C4orf51: variants seen among roughly 807,000 people sequenced by gnomAD.
C4orf51 encodes the protein uncharacterized protein C4orf51.
In C4orf51, 25 loss-of-function variants were observed where a neutral mutation model predicts 25.2. The observed-to-expected ratio is 0.99, with a 90% CI of 0.72 to 1.39. C4orf51 has a LOEUF of 1.39. C4orf51 is among the 40% of genes most tolerant of loss of function. The probability of loss-of-function intolerance (pLI) is 0.00; values close to 1 mark genes in which losing one functional copy is unlikely to be tolerated. For synonymous variants in C4orf51, 100 were observed against 84.5 expected, an observed-to-expected ratio of 1.18 and a Z score of -1.01; for missense variants, 252 against 239.6, an observed-to-expected ratio of 1.05 and a Z score of -0.34.
At chr4:145,787,696 TTTA>T in the C4orf51 span, among the ~76,000 whole-genome samples, 3 of 152,058 alleles carry the variant, frequency 2.0e-5, no homozygotes, top group Non-Finnish European at 4.4e-5. Flanking sequence ...TCCAAAAATT[TTTA>T]TTAATTAAAC....
At position 145,732,467 on chromosome 4, in the gene C4orf51, C is replaced by T. The variant is rs768329519; in HGVS notation, c.516C>T (p.Cys172=). The T allele has an allele frequency of 1.5e-5, 24 of 1,608,884 alleles. No homozygotes were observed. Among genetic ancestry groups the T allele is most frequent in the African/African-American group, 2.7e-5 (2 of 74,818 alleles). Reference sequence around the variant, plus strand: ...TTTTTCTCCAGCTTCATGGACGGTGCGATTCTGAAAGCAAGGTTTGCTCAT... The same window carrying T: ...TTTTTCTCCAGCTTCATGGACGGTGTGATTCTGAAAGCAAGGTTTGCTCAT... ...KGVLKHLHGR[C]DSESKVCSSE... Residue 172 remains cysteine, a synonymous_variant, in exon 6 of 6, where the codon TGC becomes TGT. Coordinates refer to ENST00000438731, the MANE Select transcript of C4orf51 (RefSeq NM_001080531.3).
Position 145,765,450 on chromosome 4 carries a change from T to G in C4orf51, n.167-5538T>G, listed in dbSNP as rs949322676. The G allele has an allele frequency of 1.1e-5, 15 of 1,403,768 alleles. No individual in the cohort carries two copies. The African/African-American group carries it at 1.7e-4, about 16-fold the overall frequency. The allele number at this position is 1,403,768 out of a possible 1,614,324, so 87.0% of individuals were successfully genotyped here. A position where few individuals can be genotyped will look rare whatever the true frequency, so the allele number is the denominator to read the frequency against. ...AGCATACTGCATCCTGGGCCTATTATCAGTTTTTGACATCGCTCCTGTGCA... is the reference window on the plus strand; with the variant it reads ...AGCATACTGCATCCTGGGCCTATTAGCAGTTTTTGACATCGCTCCTGTGCA... On this transcript the variant is annotated intron_variant and non_coding_transcript_variant, in intron 1 of 1. Coordinates refer to the C4orf51 transcript ENST00000510096. The surrounding 1 kb of genome is among the most constrained non-coding windows in gnomAD (Gnocchi z 4.7).
chr4:145,759,274 GA>G (rs1377599627), downstream of C4orf51: 1 of 152,132 alleles, frequency 6.6e-6, no homozygotes. Flanking sequence ...TTCAGCCAAA[GA>G]TTTTTTTCCT....
At chr4:145,693,368 G>A (rs967366933) in intron 1 of C4orf51, among the ~76,000 whole-genome samples, 7 of 151,116 alleles carry the variant, frequency 4.6e-5, no homozygotes, top group African/African-American at 1.7e-4. Flanking sequence ...CAGATCAACA[G>A]GATCCCAAGG....
At chr4:145,694,123 C>A (rs1442853182) in intron 1 of C4orf51, among the ~76,000 whole-genome samples, 3 of 105,202 alleles carry the variant, frequency 2.9e-5, no homozygotes, top group Non-Finnish European at 5.5e-5. Context: ...GGGGCAGAGG[C>A]GCTCCCCACA....
At chr4:145,738,149 A>G (rs1732900866) in intron 1 of C4orf51, among the ~76,000 whole-genome samples, 1 of 152,190 alleles carries the variant, frequency 6.6e-6, no homozygotes, top group African/African-American at 2.4e-5. Flanking sequence ...CTTTGGATGC[A>G]TATTAAAAAT....
At chr4:145,728,068 ACG>A (rs1553966930) in intron 3 of C4orf51, among the ~76,000 whole-genome samples, 8 of 141,326 alleles carry the variant, frequency 5.7e-5, no homozygotes, top group African/African-American at 1.9e-4. Flanking sequence ...ACACACACAC[ACG>A]CCATATAAGG....
In C4orf51 at chr4:145,696,603, C is replaced by G; in HGVS notation, c.278C>G (p.Ala93Gly). 1 of 1,613,780 alleles carries G rather than the reference C, an allele frequency of 6.2e-7. No homozygotes were observed. The highest frequency in any genetic ancestry group is 8.5e-7 in the Non-Finnish European group (1 of 1,179,742). Residue 93 changes from alanine to glycine, a missense_variant, in exon 2 of 6, where the codon GCT (alanine) becomes GGT (glycine). Transcript: ENST00000438731. ...TCTGCCTGTCATCTTCTCTGCTGGG[C>G]TGGTACCCAAGAGACTACAGATATC... ...NSSACHLLCW[A>G]GTQETTDIKG...
downstream of C4orf51, among the ~76,000 whole-genome samples, chr4:145,755,612 G>A (rs1733891722): frequency 6.6e-6 from 1 of 150,924 alleles, no homozygotes. Context: ...AAGAAGAAGA[G>A]GCCTTGATTA....
intron 2 of C4orf51, among the ~76,000 whole-genome samples, chr4:145,713,058 T>TA (rs1731220400): frequency 6.6e-6 from 1 of 152,184 alleles, no homozygotes; most frequent in Admixed American, 6.5e-5. Context: ...TATTGAGACT[T>TA]ACCACTTGGA....
At chr4:145,707,174 C>T (rs969501596) in intron 2 of C4orf51, among the ~76,000 whole-genome samples, 2 of 151,966 alleles carry the variant, frequency 1.3e-5, no homozygotes, top group South Asian at 2.1e-4. Context: ...CCCCTGACCT[C>T]GTGATCCACC....
chr4:145,768,641 A>C (rs921260302), intron 1 of C4orf51, among the ~76,000 whole-genome samples: 3 of 151,284 alleles, frequency 2.0e-5, no homozygotes, highest in African/African-American at 4.9e-5. Flanking sequence ...ATTATCTTCA[A>C]ATCAGTTCAT....
intron 1 of C4orf51, among the ~76,000 whole-genome samples, chr4:145,742,739 A>G (rs889319382): frequency 6.6e-6 from 1 of 151,662 alleles, no homozygotes; most frequent in Non-Finnish European, 1.5e-5. Flanking sequence ...ACGGGGTTTC[A>G]CCATGTTGGT....
intron 1 of C4orf51, among the ~76,000 whole-genome samples, chr4:145,746,706 G>T (rs1305719290): frequency 6.6e-6 from 1 of 151,838 alleles, no homozygotes; most frequent in African/African-American, 2.4e-5. Context: ...GGTCTTTTGT[G>T]GTTCTATATA....
chr4:145,735,051 G>A (rs552650049), downstream of C4orf51, among the ~76,000 whole-genome samples: 56 of 152,322 alleles, frequency 3.7e-4, no homozygotes, highest in African/African-American at 1.3e-3. Context: ...CGAGGGCTTT[G>A]GTGCAGTGAG....
chr4:145,740,627 A>G (rs1250960562), intron 1 of C4orf51, among the ~76,000 whole-genome samples: 1 of 152,234 alleles, frequency 6.6e-6, no homozygotes, highest in East Asian at 1.9e-4. Flanking sequence ...AGAACATGTG[A>G]CAAGTATCTA....
chr4:145,784,774 T>C, the C4orf51 span, among the ~76,000 whole-genome samples: 1 of 152,210 alleles, frequency 6.6e-6, no homozygotes, highest in Non-Finnish European at 1.5e-5. Flanking sequence ...TTAGCATTTG[T>C]TTCATTATTT....
chr4:145,717,750 A>G (rs1211305368), intron 2 of C4orf51, among the ~76,000 whole-genome samples: 1 of 152,244 alleles, frequency 6.6e-6, no homozygotes, highest in East Asian at 1.9e-4. Flanking sequence ...ATTTCTGCCT[A>G]CATTAAAGTG....
At chr4:145,775,132 AT>A (rs1736859076), downstream of C4orf51, among the ~76,000 whole-genome samples, 3 of 152,246 alleles carry the variant, frequency 2.0e-5, no homozygotes, top group Admixed American at 2.0e-4. Context: ...AGTTTGTTGT[AT>A]GGCACTCCAA....
Sources: allele counts gnomAD v4.1 joint callset (sites outside exome capture counted in the v4.1 genomes callset), GRCh38; gene constraint gnomAD v4.1.1; non-coding constraint Gnocchi (gnomAD v3.1); transcripts MANE v1.5; gene names NCBI Gene and HGNC (gene_info 2026-07-23, HGNC 2026-07-21).